Variants in ZNF804A observed in about 807,000 individuals in gnomAD.
The protein encoded by ZNF804A is zinc finger protein 804A.
ZNF804A carries 2 observed loss-of-function variants against 16.5 expected under a neutral mutation model. That is an observed-to-expected ratio of 0.12 (90% CI 0.05 to 0.38). The LOEUF (loss-of-function observed/expected upper bound fraction) is 0.38. Among genes scored for constraint, ZNF804A ranks in the 10% least tolerant of loss-of-function variants. The pLI is 0.99. For synonymous variants in ZNF804A, 534 were observed against 489.6 expected (o/e 1.09, Z -1.20); for missense variants, 1,473 against 1,390.7 (o/e 1.06, Z -0.94).
chr2:184,847,687 A>G (rs575283234), intron 1 of ZNF804A, among the ~76,000 whole-genome samples: 1 of 152,050 alleles, frequency 6.6e-6, no homozygotes, highest in Non-Finnish European at 1.5e-5. Flanking sequence ...GTCAGACTCC[A>G]CAGGTTAAAG....
intron 1 of ZNF804A, among the ~76,000 whole-genome samples, chr2:184,647,736 T>C (rs1691906994): frequency 6.6e-6 from 1 of 152,142 alleles, no homozygotes; most frequent in South Asian, 2.1e-4. Context: ...TATGGGATTA[T>C]GTAAAGTGAC....
intron 1 of ZNF804A, among the ~76,000 whole-genome samples, chr2:184,829,399 G>A (rs1695222557): frequency 6.6e-6 from 1 of 151,746 alleles, no homozygotes; most frequent in African/African-American, 2.4e-5. Flanking sequence ...TACTGACCTG[G>A]CCATTGTCAT....
At chr2:184,899,701 C>T (rs1180905627) in intron 2 of ZNF804A, among the ~76,000 whole-genome samples, 1 of 151,794 alleles carries the variant, frequency 6.6e-6, no homozygotes, top group Non-Finnish European at 1.5e-5. Context: ...ATTTAAAATA[C>T]ATCTTTATAC....
chr2:184,869,763 C>T (rs1474493498), intron 2 of ZNF804A, among the ~76,000 whole-genome samples: 2 of 151,966 alleles, frequency 1.3e-5, no homozygotes, highest in Non-Finnish European at 2.9e-5. Flanking sequence ...GTAATCTGGA[C>T]CTAAGAGCTG....
intron 2 of ZNF804A, among the ~76,000 whole-genome samples, chr2:184,875,075 A>G (rs998639624): frequency 6.6e-6 from 1 of 152,218 alleles, no homozygotes; most frequent in African/African-American, 2.4e-5. Context: ...ATAATAAATA[A>G]TATGATCACA....
rs187810365 is a variant in ZNF804A at position 184,874,088 on chromosome 2, G to A, written c.255+7576G>A. Reference sequence around the variant, plus strand: ...TGAAAGAATCTTAGAAATAAAAATAGTGAACAAAAGATTGCAAAGACTACA... The same window carrying A: ...TGAAAGAATCTTAGAAATAAAAATAATGAACAAAAGATTGCAAAGACTACA... On this transcript the variant is annotated intron_variant, in intron 2 of 3. Coordinates refer to ENST00000302277, the MANE Select transcript of ZNF804A (RefSeq NM_194250.2). Among the ~76,000 whole-genome samples the A allele has an allele frequency of 5.2e-3, 796 of 152,168 alleles. 2 individuals are homozygous for A. Among genetic ancestry groups the A allele is most frequent in the Non-Finnish European group, 9.2e-3 (626 of 67,946 alleles).
At chr2:184,644,269 T>C (rs1361819214) in intron 1 of ZNF804A, among the ~76,000 whole-genome samples, 1 of 151,808 alleles carries the variant, frequency 6.6e-6, no homozygotes, top group East Asian at 1.9e-4. Context: ...ATCTGTTACA[T>C]GGCATTGAAG....
chr2:184,741,732 G>C (rs900234484), intron 1 of ZNF804A, among the ~76,000 whole-genome samples: 2 of 152,050 alleles, frequency 1.3e-5, no homozygotes, highest in African/African-American at 4.8e-5. Context: ...CAAATATGTA[G>C]AAAAATATAC....
intron 1 of ZNF804A, among the ~76,000 whole-genome samples, chr2:184,601,048 G>A (rs927174246): frequency 3.3e-5 from 5 of 152,130 alleles, no homozygotes; most frequent in Non-Finnish European, 7.4e-5. Context: ...GCACTTCTGA[G>A]CTAGTCCTTC....
chr2:184,937,453 C>A lies in ZNF804A; in HGVS notation c.2057C>A (p.Thr686Asn), dbSNP rs766649664. 6.2e-7 allele frequency: 1 copy of A among 1,607,888 alleles called. No individual in the cohort carries two copies. Among genetic ancestry groups the A allele is most frequent in the South Asian group, 1.1e-5 (1 of 90,540 alleles). ...TWNTEYNTYDTISSKNHCKKN... is the reference protein window; with the variant it reads ...TWNTEYNTYDNISSKNHCKKN... ...AATACTGAATACAACACTTATGATA[C>A]TATCAGTTCTAAAAACCACTGTAAA... is the stretch of plus-strand genomic sequence containing the variant. Residue 686 changes from threonine to asparagine, a missense_variant, in exon 4 of 4, where the codon ACT (threonine) becomes AAT (asparagine). Coordinates refer to ENST00000302277, the MANE Select transcript of ZNF804A (RefSeq NM_194250.2).
At chr2:184,677,457 T>A (rs957655921) in intron 1 of ZNF804A, among the ~76,000 whole-genome samples, 8 of 151,942 alleles carry the variant, frequency 5.3e-5, no homozygotes, top group Admixed American at 5.2e-4. Flanking sequence ...TACACGGTCA[T>A]CTGAGATAGA....
chr2:184,872,818 G>C lies in ZNF804A; in HGVS notation c.255+6306G>C, dbSNP rs1443854940. On this transcript the variant is annotated intron_variant, in intron 2 of 3. Transcript: ENST00000302277. ...CTGAAGAAATAACTAAAAGTGGTGAGATCTTGCCTAACAGTTACCAAGACT... is the reference window on the plus strand; with the variant it reads ...CTGAAGAAATAACTAAAAGTGGTGACATCTTGCCTAACAGTTACCAAGACT... Among the ~76,000 whole-genome samples, 3 of 152,092 alleles carry C rather than the reference G, an allele frequency of 2.0e-5. 1 individual carries two copies. The highest frequency in any genetic ancestry group is 6.3e-3 in the Middle Eastern group (2 of 316).
chr2:184,863,947 A>T (rs1695836276), intron 1 of ZNF804A, among the ~76,000 whole-genome samples: 1 of 152,198 alleles, frequency 6.6e-6, no homozygotes, highest in Non-Finnish European at 1.5e-5. Flanking sequence ...ATAAGTAGGA[A>T]TAATTGACAA....
At chr2:184,647,507 C>A (rs1184727500) in intron 1 of ZNF804A, among the ~76,000 whole-genome samples, 1 of 151,824 alleles carries the variant, frequency 6.6e-6, no homozygotes, top group Non-Finnish European at 1.5e-5. Context: ...CTAAAGCAGT[C>A]CAGGAAATGA....
At chr2:184,656,787 A>G (rs985614452) in intron 1 of ZNF804A, among the ~76,000 whole-genome samples, 2 of 151,846 alleles carry the variant, frequency 1.3e-5, no homozygotes, top group African/African-American at 4.8e-5. Context: ...ATACAGGACA[A>G]TCATTTTCCA....
At chr2:184,682,667 T>C (rs913352856) in intron 1 of ZNF804A, among the ~76,000 whole-genome samples, 12 of 152,214 alleles carry the variant, frequency 7.9e-5, no homozygotes, top group African/African-American at 2.9e-4. Flanking sequence ...TGTCATTCGA[T>C]ATGCAAATCA....
chr2:184,870,796 A>C (rs866667575), intron 2 of ZNF804A, among the ~76,000 whole-genome samples: 2 of 152,014 alleles, frequency 1.3e-5, no homozygotes, highest in African/African-American at 4.8e-5. Flanking sequence ...TTGTAAGGAG[A>C]ATATTACATA....
intron 2 of ZNF804A, among the ~76,000 whole-genome samples, chr2:184,871,483 T>A (rs1695974778): frequency 6.7e-6 from 1 of 148,274 alleles, no homozygotes; most frequent in Admixed American, 6.7e-5. Flanking sequence ...AAAATAGGAA[T>A]TCACAGCCAA....
intron 1 of ZNF804A, among the ~76,000 whole-genome samples, chr2:184,647,230 G>A (rs936986486): frequency 1.3e-5 from 2 of 152,148 alleles, no homozygotes; most frequent in Non-Finnish European, 2.9e-5. Flanking sequence ...TGGCAGTGGG[G>A]GTGGGCAAAG....
Sources: allele counts gnomAD v4.1 joint callset (sites outside exome capture counted in the v4.1 genomes callset), GRCh38; gene constraint gnomAD v4.1.1; transcripts MANE v1.5; gene names NCBI Gene and HGNC (gene_info 2026-07-23, HGNC 2026-07-21).